The following THADA variants were observed in gnomAD, a reference collection of about 807,000 sequenced individuals.
The protein encoded by THADA is THADA armadillo repeat containing.
Under a neutral mutation model 219.8 loss-of-function variants are expected in THADA, and 213 were observed. The ratio of observed to expected loss-of-function variants is 0.97; its 90% CI spans 0.87 to 1.09. The LOEUF is 1.09. Among genes scored for constraint, THADA ranks in the 50% least tolerant of loss-of-function variants. The pLI is 0.00. For synonymous variants in THADA, 1,018 were observed against 828.9 expected (o/e 1.23, Z -3.92); for missense variants, 2,956 against 2,311.3 (o/e 1.28, Z -5.72).
chr2:43,357,683 C>G (rs534851926), intron 29 of THADA, among the ~76,000 whole-genome samples: 2 of 152,070 alleles, frequency 1.3e-5, no homozygotes, highest in African/African-American at 4.8e-5. Flanking sequence ...TCATGTACAG[C>G]CAAACTGTAC....
intron 26 of THADA, among the ~76,000 whole-genome samples, chr2:43,481,975 C>T (rs1193012388): frequency 4.6e-5 from 7 of 152,148 alleles, no homozygotes; most frequent in South Asian, 4.1e-4. Flanking sequence ...TAGAGCTAAG[C>T]GCCATATTAG....
chr2:43,577,213 G>T lies in THADA; in HGVS notation c.846C>A (p.Asp282Glu). ...LISSVLLRSV[D>E]CTSVPEWFMS... ...TAAACCACTCGGGGACACTGGTGCA[G>T]TCCACTGAACGAAGCAGCACACTGC... The change falls in exon 10 of 38, where the codon GAC (aspartate) becomes GAA (glutamate). Residue 282 changes from aspartate (D) to glutamate (E), a missense_variant. By Grantham distance (45) the Asp-to-Glu change is conservative. Transcript: ENST00000405975. The T allele has an allele frequency of 6.3e-7, 1 of 1,599,346 alleles. No homozygotes were observed. The highest frequency in any genetic ancestry group is 1.1e-5 in the South Asian group (1 of 88,220).
At chr2:43,306,623 A>C (rs564534919) in intron 31 of THADA, among the ~76,000 whole-genome samples, 23 of 152,296 alleles carry the variant, frequency 1.5e-4, no homozygotes, top group African/African-American at 5.3e-4. Context: ...GTAGAGTCTG[A>C]GACTGAAGAG....
intron 25 of THADA, among the ~76,000 whole-genome samples, chr2:43,496,215 T>C (rs1688262013): frequency 6.6e-6 from 1 of 152,184 alleles, no homozygotes; most frequent in Non-Finnish European, 1.5e-5. Context: ...TTAAGCCACA[T>C]TTCAAGCATC....
intron 36 of THADA, among the ~76,000 whole-genome samples, chr2:43,266,711 G>GT (rs781289966): frequency 1.4e-4 from 21 of 152,222 alleles, no homozygotes; most frequent in Non-Finnish European, 2.1e-4. Context: ...AATGAGCAAT[G>GT]TAAGAGCTAA....
At chr2:43,418,762 G>A (rs1307781952) in intron 28 of THADA, among the ~76,000 whole-genome samples, 3 of 152,132 alleles carry the variant, frequency 2.0e-5, no homozygotes, top group South Asian at 2.1e-4. Context: ...GAGAGGCAGC[G>A]GGAGGAAGGG....
intron 29 of THADA, among the ~76,000 whole-genome samples, chr2:43,384,500 G>C (rs1031828943): frequency 8.5e-5 from 13 of 152,120 alleles, no homozygotes; most frequent in African/African-American, 3.1e-4. Context: ...CAAATTTCTA[G>C]CATGTTCTTC....
intron 36 of THADA, among the ~76,000 whole-genome samples, chr2:43,251,186 CT>C (rs1669771997): frequency 1.3e-5 from 2 of 152,146 alleles, no homozygotes; most frequent in Admixed American, 6.5e-5. Context: ...TAAGTGGATC[CT>C]GTGAAACACA....
At chr2:43,467,464 A>G (rs1026319475) in intron 26 of THADA, among the ~76,000 whole-genome samples, 2 of 152,206 alleles carry the variant, frequency 1.3e-5, no homozygotes, top group African/African-American at 4.8e-5. Context: ...TAAGGTTGGT[A>G]TACTGATGCT....
chr2:43,394,666 C>T (rs868688631), intron 29 of THADA, among the ~76,000 whole-genome samples: 7 of 152,184 alleles, frequency 4.6e-5, no homozygotes, highest in African/African-American at 1.4e-4. Context: ...CCCAACTTAA[C>T]CCTTTATGCT....
chr2:43,502,793 T>C (rs1047856788), intron 24 of THADA, among the ~76,000 whole-genome samples: 1 of 151,892 alleles, frequency 6.6e-6, no homozygotes, highest in Admixed American at 6.6e-5. Context: ...TTTGGGAGAA[T>C]ATATATGTAA....
intron 36 of THADA, 21 bp downstream of exon 36, chr2:43,279,743 CA>C: frequency 6.5e-7 from 1 of 1,543,232 alleles, no homozygotes; most frequent in South Asian, 1.2e-5. Context: ...TAAGACAATG[CA>C]AAAGGATAAG....
At chr2:43,472,484 T>C (rs935002965) in intron 26 of THADA, among the ~76,000 whole-genome samples, 4 of 152,206 alleles carry the variant, frequency 2.6e-5, no homozygotes, top group Admixed American at 2.0e-4. Flanking sequence ...TTTTATTTCC[T>C]TGAAGTGTTT....
At chr2:43,423,227 A>T (rs187956806) in intron 28 of THADA, among the ~76,000 whole-genome samples, 5 of 152,224 alleles carry the variant, frequency 3.3e-5, no homozygotes. Context: ...TAAGCATGCA[A>T]TCTAGCTTGC....
chr2:43,274,701 A>ACAT (rs1332097398), intron 36 of THADA, among the ~76,000 whole-genome samples: 5 of 152,178 alleles, frequency 3.3e-5, no homozygotes, highest in Non-Finnish European at 7.3e-5. Flanking sequence ...CAGAAGTTTT[A>ACAT]CATGACTTTT....
At chr2:43,466,520 GTCTAC>G (rs1169345301) in intron 26 of THADA, among the ~76,000 whole-genome samples, 1 of 152,118 alleles carries the variant, frequency 6.6e-6, no homozygotes, top group Non-Finnish European at 1.5e-5. Flanking sequence ...TTTGGGGTAT[GTCTAC>G]TCTACTTGAT....
intron 26 of THADA, among the ~76,000 whole-genome samples, chr2:43,438,869 CTT>C (rs1680488986): frequency 6.6e-6 from 1 of 152,050 alleles, no homozygotes; most frequent in African/African-American, 2.4e-5. Flanking sequence ...TAATAATAAA[CTT>C]GAACAATTAT....
intron 36 of THADA, among the ~76,000 whole-genome samples, chr2:43,278,751 C>G (rs1673008314): frequency 6.6e-6 from 1 of 152,202 alleles, no homozygotes; most frequent in South Asian, 2.1e-4. Flanking sequence ...GTTCACACAT[C>G]TGGGGAGGCT....
intron 26 of THADA, among the ~76,000 whole-genome samples, chr2:43,478,589 G>A (rs1573855189): frequency 6.6e-6 from 1 of 152,166 alleles, no homozygotes; most frequent in Admixed American, 6.5e-5. Flanking sequence ...ATTTACTCAT[G>A]CTTTTACTAA....
Sources: allele counts gnomAD v4.1 joint callset (sites outside exome capture counted in the v4.1 genomes callset), GRCh38; gene constraint gnomAD v4.1.1; transcripts MANE v1.5; gene names NCBI Gene and HGNC (gene_info 2026-07-23, HGNC 2026-07-21).